The following GABRD variants were observed in gnomAD, a reference collection of about 807,000 sequenced individuals.
GABRD encodes gamma-aminobutyric acid receptor subunit delta.
GABRD carries 25 observed loss-of-function variants against 47.3 expected under a neutral mutation model. The observed-to-expected ratio is 0.53, with a 90% confidence interval of 0.39 to 0.74. The LOEUF (loss-of-function observed/expected upper bound fraction) is 0.74. GABRD is among the 30% of genes least tolerant of loss of function. The pLI, the probability that GABRD is intolerant of heterozygous loss-of-function variation, is 0.00. For missense variants in GABRD, 497 were observed against 643.4 expected, an observed-to-expected ratio of 0.77 and a Z score of 2.46; for synonymous variants, 314 against 278.8, an observed-to-expected ratio of 1.13 and a Z score of -1.26.
At chr1:2,024,763 C>T in intron 1 of GABRD, 179 bp from the exon 2 acceptor site, 1 of 558,814 alleles carries the variant, frequency 1.8e-6, no homozygotes, top group Non-Finnish European at 3.2e-6. Context: ...CCCGGGGTTC[C>T]CTGTGTCCAG....
intron 8 of GABRD, 78 bp from the exon 9 acceptor site, chr1:2,029,905 T>C (rs1185003447): frequency 6.3e-7 from 1 of 1,575,154 alleles, no homozygotes; most frequent in Non-Finnish European, 8.7e-7. Flanking sequence ...GGCCCCCGCA[T>C]GGGAACACCT....
At chr1:2,020,467 G>A (rs1254558153) in intron 1 of GABRD, among the ~76,000 whole-genome samples, 1 of 152,246 alleles carries the variant, frequency 6.6e-6, no homozygotes, top group African/African-American at 2.4e-5. Flanking sequence ...ACGGGGCGGT[G>A]TGTCAGAGTT....
rs1659046535 is a variant in GABRD, at chr1:2,030,108, G to C, written c.1185G>C (p.Gly395=). Residue 395 remains glycine, a synonymous_variant, in exon 9 of 9, where the codon GGG becomes GGC. Transcript: ENST00000378585. ...TGATGGGCTCCTACAGGTCGGTGGG[G>C]GTGGAGACAGGGGAGACGAAGAAGG... is the stretch of plus-strand genomic sequence containing the variant. ...GNLMGSYRSV[G]VETGETKKEG... The C allele has an allele frequency of 4.4e-6, 7 of 1,591,044 alleles. No individual in the cohort carries two copies. The highest frequency in any genetic ancestry group is 6.0e-6 in the Non-Finnish European group (7 of 1,168,556).
chr1:2,027,689 T>C (rs1455477058), intron 5 of GABRD, 30 bp downstream of exon 5: 1 of 1,593,260 alleles, frequency 6.3e-7, no homozygotes, highest in East Asian at 2.2e-5. Context: ...GGGTAGGGGC[T>C]TCTCCAGCAG....
intron 7 of GABRD, 33 bp from the exon 8 acceptor site, chr1:2,029,518 G>A: frequency 6.2e-7 from 1 of 1,608,220 alleles, no homozygotes; most frequent in East Asian, 2.2e-5. Context: ...GTGAGGGCAG[G>A]GCTACGACAA....
chr1:2,025,791 T>C, intron 4 of GABRD, 53 bp downstream of exon 4: 2 of 1,537,316 alleles, frequency 1.3e-6, no homozygotes, highest in Non-Finnish European at 1.8e-6. Context: ...GGGCCAAGCG[T>C]CGGCGCCTGG....
At chr1:2,029,785 GGGACAGCACTGCTGGGGGCCCCAACCA>G (rs1165453547) in intron 8 of GABRD, 23 bp downstream of exon 8, 8 of 1,600,886 alleles carry the variant, frequency 5.0e-6, no homozygotes, top group Non-Finnish European at 6.8e-6. Context: ...GGCCGAGCCA[GGGACAGCACTGCTGGGGGCCCCAACCA>G]GGACCCTTCA....
chr1:2,019,597 A>C, intron 1 of GABRD, 106 bp downstream of exon 1: 1 of 645,082 alleles, frequency 1.6e-6, no homozygotes. Flanking sequence ...CGGGCCCCGG[A>C]CCCCAAGTCT....
chr1:2,025,836 T>A (rs1428596425), intron 4 of GABRD, 98 bp downstream of exon 4: 4 of 1,105,610 alleles, frequency 3.6e-6, no homozygotes, highest in Non-Finnish European at 5.2e-6. Context: ...GAGCGGCTTC[T>A]GCTGCCGGGA....
chr1:2,027,784 C>A, intron 5 of GABRD, 125 bp downstream of exon 5: 1 of 866,666 alleles, frequency 1.2e-6, no homozygotes, highest in Non-Finnish European at 1.9e-6. Context: ...CCAGCTTCTG[C>A]ATGCAAGAAG....
chr1:2,020,121 C>G (rs1658734887), intron 1 of GABRD, among the ~76,000 whole-genome samples: 1 of 152,134 alleles, frequency 6.6e-6, no homozygotes, highest in Non-Finnish European at 1.5e-5. Context: ...GATTTCTTAA[C>G]TATTTTGGGA....
intron 7 of GABRD, 120 bp from the exon 8 acceptor site, chr1:2,029,431 C>T: frequency 6.9e-7 from 1 of 1,452,334 alleles, no homozygotes; most frequent in Non-Finnish European, 9.3e-7. Context: ...GGACCTGCTC[C>T]CTGGGGTGGG....
chr1:2,025,881 C>T (rs903929155), intron 4 of GABRD, 143 bp downstream of exon 4: 10 of 673,204 alleles, frequency 1.5e-5, no homozygotes, highest in African/African-American at 1.3e-4. Context: ...GCAGAAGCTG[C>T]GCGGTTATTT....
In GABRD at chr1:2,019,428, A is replaced by T; in HGVS notation, c.5A>T (p.Asp2Val). 9.4e-7 allele frequency: 1 copy of T among 1,069,334 alleles called. No homozygotes were observed. Among genetic ancestry groups the T allele is most frequent in the Non-Finnish European group, 1.1e-6 (1 of 887,848 alleles). The allele number at this position is 1,069,334 out of a possible 1,614,324, so 66.2% of individuals were successfully genotyped here. The change falls in exon 1 of 9, where the codon GAC becomes GTC. Residue 2 changes from aspartate (D) to valine (V), a missense_variant. Coordinates refer to ENST00000378585, the MANE Select transcript of GABRD (RefSeq NM_000815.5). ...CGTCCCGAGCCCGCCGCGGCCATGG[A>T]CGCGCCCGCCCGGCTGCTGGCCCCG... is the stretch of plus-strand genomic sequence containing the variant. M[D>V]APARLLAPLL...
Position 2,025,732 on chromosome 1 carries a change from G to A in GABRD, c.464G>A (p.Ser155Asn). Reference sequence around the variant, plus strand: ...CAGCCCGACGGCGTGATCCTGTACAGCATCCGGTGAGCGGGCTGCCCACCC... The same window carrying A: ...CAGCCCGACGGCGTGATCCTGTACAACATCCGGTGAGCGGGCTGCCCACCC... ...RLQPDGVILY[S>N]IRITSTVACD... Residue 155 changes from serine to asparagine, a missense_variant, in exon 4 of 9, where the codon AGC (serine) becomes AAC (asparagine). By Grantham distance (46) the Ser-to-Asn change is conservative (BLOSUM62 1). Transcript: ENST00000378585. 1 of 1,611,628 alleles carries A rather than the reference G, an allele frequency of 6.2e-7. No homozygotes were observed. The highest frequency in any genetic ancestry group is 8.5e-7 in the Non-Finnish European group (1 of 1,178,952).
Position 2,019,698 on chromosome 1 carries a change from G to GACCCCCGCGCTGGCC in GABRD, c.68+208_68+222dup, listed in dbSNP as rs1658722920. ...GCTGCCCTTGGGCTCGGGACGCGGCGACCCCCGCGCTGGCCGCCCCCGCCC... is the reference window on the plus strand; with the variant it reads ...GCTGCCCTTGGGCTCGGGACGCGGCGACCCCCGCGCTGGCCACCCCCGCGCTGGCCGCCCCCGCCC... On this transcript the variant is annotated intron_variant, in intron 1 of 8. Transcript: ENST00000378585. 2.0e-5 allele frequency among the ~76,000 whole-genome samples: 3 copies of GACCCCCGCGCTGGCC among 151,612 alleles called. No individual in the cohort carries two copies. In the South Asian group the frequency reaches 6.2e-4, roughly 32 times the overall value.
intron 2 of GABRD, 86 bp from the exon 3 acceptor site, chr1:2,025,248 C>T: frequency 2.0e-6 from 3 of 1,518,310 alleles, no homozygotes; most frequent in Non-Finnish European, 1.8e-6. Flanking sequence ...GGCCGACTGC[C>T]TGTGACTGGG....
chr1:2,028,046 T>C lies in GABRD; in HGVS notation c.554-109T>C. On this transcript the variant is annotated intron_variant, in intron 5 of 8. Transcript: ENST00000378585. This position sits in a 1 kb window ranked among gnomAD's most constrained non-coding sequence, Gnocchi z 6.4. The stretch of plus-strand genomic sequence containing the variant: ...TGGCTGGGGTCCTGCTCGGTCCCCA[T>C]CACGATGGCGTCGGCCCCCTGCAGG... 7 of 1,292,544 alleles carry C rather than the reference T, an allele frequency of 5.4e-6. No individual in the cohort carries two copies. Among genetic ancestry groups the C allele is most frequent in the Non-Finnish European group, 7.4e-6 (7 of 939,652 alleles). 80.1% of individuals were successfully genotyped at this position (1,292,544 alleles called of 1,614,324 possible).
chr1:2,020,485 T>C (rs1658742794), intron 1 of GABRD, among the ~76,000 whole-genome samples: 1 of 152,148 alleles, frequency 6.6e-6, no homozygotes, highest in Non-Finnish European at 1.5e-5. Flanking sequence ...GTTTTCCCAT[T>C]GGAGGTGCGG....
Sources: gnomAD v4.1 joint callset for allele counts (sites outside exome capture counted in the v4.1 genomes callset) on GRCh38, gnomAD v4.1.1 for gene constraint, Gnocchi (gnomAD v3.1) non-coding constraint, MANE v1.5 for transcripts, NCBI Gene and HGNC (gene_info 2026-07-23, HGNC 2026-07-21) for gene names.